The following TFPI variants were observed in gnomAD, a reference collection of about 807,000 sequenced individuals.
TFPI encodes tissue factor pathway inhibitor.
TFPI carries 15 observed loss-of-function variants against 34.6 expected under a neutral mutation model. The observed-to-expected ratio is 0.43, with a 90% CI of 0.29 to 0.67. The LOEUF (loss-of-function observed/expected upper bound fraction) is 0.67, where lower values mean the gene tolerates loss of function less well. Ranked by LOEUF, TFPI falls within the 30% of genes least tolerant of loss-of-function variation. The probability of loss-of-function intolerance (pLI) is 0.15; values close to 1 mark genes in which losing one functional copy is unlikely to be tolerated. For synonymous variants in TFPI, 105 were observed against 120.1 expected (o/e 0.87, Z 0.82); for missense variants, 301 against 364.0 (o/e 0.83, Z 1.41).
intron 1 of TFPI, among the ~76,000 whole-genome samples, chr2:187,551,907 G>A (rs1689109259): frequency 6.6e-6 from 1 of 152,042 alleles, no homozygotes; most frequent in South Asian, 2.1e-4. Context: ...AAACAAAAAA[G>A]GATGGCTGGT....
chr2:187,527,544 C>G lies in TFPI; in HGVS notation c.-2-23774G>C, dbSNP rs528988015. Among the ~76,000 whole-genome samples, 19 of 152,292 alleles carry G rather than the reference C, an allele frequency of 1.2e-4. No individual in the cohort carries two copies. In the South Asian group the frequency reaches 2.1e-3, roughly 17 times the overall value. On this transcript the variant is annotated intron_variant, in intron 1 of 7. Transcript: ENST00000233156. ...CAAGTCGGCACAGAGCCTGCTTTAT[C>G]TCTTTATTAATGTCCCTGTTGGGTC...
intron 3 of TFPI, 34 bp downstream of exon 3, chr2:187,496,846 AG>A (rs1332689225): frequency 1.3e-6 from 2 of 1,581,104 alleles, no homozygotes; most frequent in Non-Finnish European, 8.7e-7. Context: ...ATAGCCCTAA[AG>A]GGTCTTGAGT....
At chr2:187,551,553 T>C (rs1689097627) in intron 1 of TFPI, among the ~76,000 whole-genome samples, 1 of 152,036 alleles carries the variant, frequency 6.6e-6, no homozygotes, top group Admixed American at 6.6e-5. Flanking sequence ...GAGAGAAAGG[T>C]AATGGGAAGA....
chr2:187,526,671 A>T (rs1197341929), intron 1 of TFPI, among the ~76,000 whole-genome samples: 1 of 152,162 alleles, frequency 6.6e-6, no homozygotes, highest in East Asian at 1.9e-4. Flanking sequence ...TAACATGTAT[A>T]CTAAAAGCAT....
intron 1 of TFPI, among the ~76,000 whole-genome samples, chr2:187,505,752 A>G (rs1686167481): frequency 6.6e-6 from 1 of 152,146 alleles, no homozygotes; most frequent in South Asian, 2.1e-4. Flanking sequence ...GAATTGTAGG[A>G]GACCATCATA....
In TFPI at chr2:187,491,362, C is replaced by T. The variant is rs148721818; in HGVS notation, c.320-2987G>A. Among the ~76,000 whole-genome samples the T allele has an allele frequency of 4.6e-5, 7 of 151,992 alleles. No homozygotes were observed. In the East Asian group the frequency reaches 1.2e-3, roughly 25 times the overall value. The stretch of plus-strand genomic sequence containing the variant: ...CAGTTCCCTTTCATCCTCCCATCTT[C>T]CTGAGTGTCCATTGTCTATTATTCT... On this transcript the variant is annotated intron_variant, in intron 3 of 7. Coordinates refer to ENST00000233156, the MANE Select transcript of TFPI (RefSeq NM_006287.6).
intron 1 of TFPI, among the ~76,000 whole-genome samples, chr2:187,529,085 G>A (rs1687826564): frequency 6.6e-6 from 1 of 152,062 alleles, no homozygotes. Context: ...ATAGTTAACT[G>A]GTAAAAACAA....
chr2:187,524,178 T>C (rs1687562015), intron 1 of TFPI, among the ~76,000 whole-genome samples: 1 of 152,098 alleles, frequency 6.6e-6, no homozygotes, highest in African/African-American at 2.4e-5. Flanking sequence ...CTGTTTCTAC[T>C]TTTTGCTTAT....
At chr2:187,549,063 T>C (rs1168867391) in intron 1 of TFPI, among the ~76,000 whole-genome samples, 4 of 152,122 alleles carry the variant, frequency 2.6e-5, no homozygotes, top group Non-Finnish European at 4.4e-5. Flanking sequence ...CCTTTCTTCA[T>C]TGACTAAATA....
chr2:187,489,841 T>C (rs1185345729), intron 3 of TFPI, among the ~76,000 whole-genome samples: 1 of 151,508 alleles, frequency 6.6e-6, no homozygotes, highest in Non-Finnish European at 1.5e-5. Context: ...ATAATAACCT[T>C]GGACACGATA....
At chr2:187,508,016 G>C (rs1230553439) in intron 1 of TFPI, among the ~76,000 whole-genome samples, 1 of 152,130 alleles carries the variant, frequency 6.6e-6, no homozygotes, top group African/African-American at 2.4e-5. Flanking sequence ...TCCAGTTTCT[G>C]TTTTCTGCAC....
intron 1 of TFPI, among the ~76,000 whole-genome samples, chr2:187,540,821 G>A (rs1030085984): frequency 1.3e-5 from 2 of 150,944 alleles, no homozygotes; most frequent in African/African-American, 2.4e-5. Flanking sequence ...ATCCCAGGAG[G>A]TGGAGGTTGT....
At chr2:187,547,812 T>C (rs1688948927) in intron 1 of TFPI, 1 of 152,164 alleles carries the variant, frequency 6.6e-6, no homozygotes, top group Non-Finnish European at 1.5e-5. Flanking sequence ...TTAGTCTAAA[T>C]TGCCATTCAT....
rs1691696827 is a variant in TFPI, at chr2:187,465,814, G to A, written c.*1122C>T. 1.3e-5 allele frequency: 2 copies of A among 152,104 alleles called. No individual in the cohort carries two copies. The highest frequency in any genetic ancestry group is 2.1e-4 in the South Asian group (1 of 4,826). 9.4% of individuals were successfully genotyped at this position (152,104 alleles called of 1,614,324 possible). On this transcript the variant is annotated 3_prime_UTR_variant, in exon 8 of 8. Transcript: ENST00000233156. Reference sequence around the variant, plus strand: ...GTTCCAATTCCAGTGTCAGATTTGAGGTGAACACTACAGAAACTGACATGT... The same window carrying A: ...GTTCCAATTCCAGTGTCAGATTTGAAGTGAACACTACAGAAACTGACATGT...
intron 6 of TFPI, among the ~76,000 whole-genome samples, chr2:187,477,457 G>T (rs1272545330): frequency 6.6e-6 from 1 of 151,862 alleles, no homozygotes; most frequent in East Asian, 1.9e-4. Flanking sequence ...GATGAAGTGG[G>T]TTTTTTTTGT....
intron 1 of TFPI, among the ~76,000 whole-genome samples, chr2:187,548,906 C>T (rs1400169735): frequency 6.6e-6 from 1 of 152,006 alleles, no homozygotes; most frequent in Non-Finnish European, 1.5e-5. Context: ...AAGAAAAAAT[C>T]ATACTAAGGA....
At chr2:187,514,734 G>A (rs1686877870) in intron 1 of TFPI, 1 of 152,156 alleles carries the variant, frequency 6.6e-6, no homozygotes. Flanking sequence ...ATCAACCAGA[G>A]GGAGGAAAAA....
At chr2:187,535,051 A>G (rs1453037366) in intron 1 of TFPI, among the ~76,000 whole-genome samples, 1 of 152,202 alleles carries the variant, frequency 6.6e-6, no homozygotes, top group African/African-American at 2.4e-5. Flanking sequence ...TCCTAAATAC[A>G]TATGCACCAA....
intron 6 of TFPI, among the ~76,000 whole-genome samples, chr2:187,470,737 T>C (rs1024648755): frequency 1.3e-5 from 2 of 152,176 alleles, no homozygotes; most frequent in South Asian, 2.1e-4. Flanking sequence ...TTGACCAGCA[T>C]AGATGCCAGC....
Sources: gnomAD v4.1 joint callset for allele counts (sites outside exome capture counted in the v4.1 genomes callset) on GRCh38, gnomAD v4.1.1 for gene constraint, MANE v1.5 for transcripts, NCBI Gene and HGNC (gene_info 2026-07-23, HGNC 2026-07-21) for gene names.